FAM178B: variants seen among roughly 807,000 people sequenced by gnomAD.
FAM178B encodes the protein family with sequence similarity 178 member B.
A neutral mutation model predicts 91.7 loss-of-function variants in FAM178B; 82 were observed. The observed-to-expected ratio is 0.89, with a 90% CI of 0.75 to 1.07. FAM178B has a LOEUF of 1.07. FAM178B is among the 50% of genes least tolerant of loss of function. The pLI is 0.00. For missense variants in FAM178B, 769 were observed against 846.7 expected (o/e 0.91, Z 1.14); for synonymous variants, 368 against 359.4 (o/e 1.02, Z -0.27).
intron 12 of FAM178B, among the ~76,000 whole-genome samples, chr2:96,908,197 GCA>G (rs748230434): frequency 1.3e-5 from 2 of 152,230 alleles, no homozygotes; most frequent in Non-Finnish European, 2.9e-5. Context: ...ACCAGTCTGA[GCA>G]CACAGAGTGT....
At chr2:96,958,329 C>A (rs2153374387) in intron 6 of FAM178B, among the ~76,000 whole-genome samples, 1 of 152,272 alleles carries the variant, frequency 6.6e-6, no homozygotes, top group South Asian at 2.1e-4. Context: ...CTCGGCCTCC[C>A]AAAGTGTTGG....
chr2:96,923,828 G>C (rs1283410354), intron 9 of FAM178B, among the ~76,000 whole-genome samples: 1 of 152,212 alleles, frequency 6.6e-6, no homozygotes, highest in East Asian at 1.9e-4. Context: ...GCGGTCACCT[G>C]AGCCTACAGG....
intron 8 of FAM178B, among the ~76,000 whole-genome samples, chr2:96,932,392 C>T (rs1029175107): frequency 2.6e-5 from 4 of 152,188 alleles, no homozygotes; most frequent in African/African-American, 4.8e-5. Context: ...TATCAGCAGC[C>T]GTGGAGGCTG....
At chr2:96,976,527 G>T (rs2082290500) in intron 1 of FAM178B, among the ~76,000 whole-genome samples, 1 of 151,798 alleles carries the variant, frequency 6.6e-6, no homozygotes, top group South Asian at 2.1e-4. Flanking sequence ...AATATCCACA[G>T]CAGCATTATT....
chr2:96,914,849 C>A (rs1444681904), intron 12 of FAM178B, among the ~76,000 whole-genome samples: 1 of 152,130 alleles, frequency 6.6e-6, no homozygotes, highest in Non-Finnish European at 1.5e-5. Flanking sequence ...TGGATGGCAC[C>A]ACTGCACTCC....
chr2:96,910,935 T>G (rs1238687014), intron 12 of FAM178B, among the ~76,000 whole-genome samples: 1 of 151,812 alleles, frequency 6.6e-6, no homozygotes, highest in Non-Finnish European at 1.5e-5. Flanking sequence ...GCCCGGCTAA[T>G]TTTTGTATTT....
At chr2:96,966,348 T>C (rs1413842387) in intron 5 of FAM178B, among the ~76,000 whole-genome samples, 1 of 151,874 alleles carries the variant, frequency 6.6e-6, no homozygotes, top group Non-Finnish European at 1.5e-5. Flanking sequence ...AGAGCCTTCA[T>C]CATCAAAGCC....
At chr2:96,876,377 C>CG (rs2080242121) in intron 16 of FAM178B, 69 bp from the exon 17 acceptor site, 1 of 1,546,610 alleles carries the variant, frequency 6.5e-7, no homozygotes, top group Admixed American at 2.0e-5. Flanking sequence ...TGCAGCTCCC[C>CG]GGGCTGGCGG....
intron 1 of FAM178B, among the ~76,000 whole-genome samples, chr2:96,978,514 T>A (rs1012749055): frequency 1.3e-5 from 2 of 152,208 alleles, no homozygotes; most frequent in African/African-American, 4.8e-5. Context: ...ACCCAGTGTT[T>A]AGTTCCACTT....
intron 8 of FAM178B, among the ~76,000 whole-genome samples, chr2:96,938,230 A>G (rs1258861658): frequency 6.6e-6 from 1 of 152,208 alleles, no homozygotes; most frequent in Non-Finnish European, 1.5e-5. Context: ...CCAGCTCCAC[A>G]TAAAAATCAC....
intron 12 of FAM178B, among the ~76,000 whole-genome samples, chr2:96,919,624 G>A (rs1419787113): frequency 6.6e-6 from 1 of 152,218 alleles, no homozygotes; most frequent in East Asian, 1.9e-4. Context: ...AAGCAGAGTG[G>A]ATGGGCGGTC....
chr2:96,883,589 G>A (rs2080443359), intron 14 of FAM178B, among the ~76,000 whole-genome samples: 1 of 152,246 alleles, frequency 6.6e-6, no homozygotes, highest in Non-Finnish European at 1.5e-5. Context: ...AGCAGGTCCA[G>A]CTAGGCTCTG....
chr2:96,971,866 CA>C, intron 3 of FAM178B, 34 bp downstream of exon 3: 1 of 1,446,392 alleles, frequency 6.9e-7, no homozygotes, highest in Non-Finnish European at 9.1e-7. Context: ...GATGGGTAGC[CA>C]AGGAGAAGAG....
In FAM178B at chr2:96,876,201, C is replaced by G. The variant is rs567728841; in HGVS notation, c.*75G>C. 1.0e-5 allele frequency: 15 copies of G among 1,498,366 alleles called. No homozygotes were observed. In the South Asian group the frequency reaches 1.7e-4, roughly 17 times the overall value. The allele number at this position is 1,498,366 out of a possible 1,614,324, so 92.8% of individuals were successfully genotyped here. A position where few individuals can be genotyped will look rare whatever the true frequency, so the allele number is the denominator to read the frequency against. On this transcript the variant is annotated 3_prime_UTR_variant, in exon 17 of 17. Coordinates refer to ENST00000490605, the MANE Select transcript of FAM178B (RefSeq NM_001122646.3). The stretch of plus-strand genomic sequence containing the variant: ...GTGGCCTCCTCTGGCCTTGATGCTT[C>G]GCTTCCTCCAGTTCCCTGAGCCTGT...
intron 1 of FAM178B, among the ~76,000 whole-genome samples, chr2:96,979,764 T>G (rs2082337879): frequency 6.6e-6 from 1 of 152,200 alleles, no homozygotes; most frequent in Non-Finnish European, 1.5e-5. Context: ...GTATAAGTGT[T>G]CCCTTTTCTC....
chr2:96,896,041 T>C (rs1234073243), intron 13 of FAM178B, among the ~76,000 whole-genome samples: 1 of 152,222 alleles, frequency 6.6e-6, no homozygotes, highest in Non-Finnish European at 1.5e-5. Flanking sequence ...CTGTGCCACC[T>C]TCCTCAGGCT....
intron 8 of FAM178B, among the ~76,000 whole-genome samples, chr2:96,938,361 G>C (rs2081667303): frequency 6.6e-6 from 1 of 152,214 alleles, no homozygotes. Flanking sequence ...GTGGAATGTA[G>C]TGGTGGGGAC....
intron 6 of FAM178B, among the ~76,000 whole-genome samples, chr2:96,952,673 G>A (rs558350213): frequency 3.3e-5 from 5 of 152,256 alleles, no homozygotes; most frequent in African/African-American, 7.2e-5. Context: ...CTTTGTCACC[G>A]TTCCTGAGCT....
At chr2:96,954,131 G>C (rs1187371674) in intron 6 of FAM178B, among the ~76,000 whole-genome samples, 1 of 152,214 alleles carries the variant, frequency 6.6e-6, no homozygotes, top group African/African-American at 2.4e-5. Flanking sequence ...GAGGGCCCTG[G>C]AGGGAGAGAC....
Sources: gnomAD v4.1 joint callset for allele counts (sites outside exome capture counted in the v4.1 genomes callset) on GRCh38, gnomAD v4.1.1 for gene constraint, MANE v1.5 for transcripts, NCBI Gene and HGNC (gene_info 2026-07-23, HGNC 2026-07-21) for gene names.